HTR1F: variants seen among roughly 807,000 people sequenced by gnomAD.
The protein encoded by HTR1F is 5-hydroxytryptamine (serotonin) receptor 1F, G protein-coupled.
HTR1F carries 17 observed loss-of-function variants against 24.0 expected under a neutral mutation model. That is an observed-to-expected ratio of 0.71 (90% confidence interval 0.48 to 1.06). The LOEUF (loss-of-function observed/expected upper bound fraction) is 1.06. Ranked by LOEUF, HTR1F falls within the 50% of genes least tolerant of loss-of-function variation. The pLI, the probability that HTR1F is intolerant of heterozygous loss-of-function variation, is 0.00. For missense variants in HTR1F, 391 were observed against 427.8 expected, an observed-to-expected ratio of 0.91 and a Z score of 0.76; for synonymous variants, 186 against 156.8, an observed-to-expected ratio of 1.19 and a Z score of -1.39.
intron 2 of HTR1F, among the ~76,000 whole-genome samples, chr3:87,915,416 A>G (rs1703871819): frequency 6.6e-6 from 1 of 152,190 alleles, no homozygotes; most frequent in Non-Finnish European, 1.5e-5. Flanking sequence ...GGGAAGCACC[A>G]GAGAAAGGCG....
intron 2 of HTR1F, among the ~76,000 whole-genome samples, chr3:87,859,892 A>G (rs1407980715): frequency 2.6e-5 from 4 of 152,254 alleles, no homozygotes; most frequent in Non-Finnish European, 5.9e-5. Context: ...CTGCATTTTC[A>G]TCCAGAGATC....
At chr3:87,820,408 C>A in intron 1 of HTR1F, among the ~76,000 whole-genome samples, 1 of 151,796 alleles carries the variant, frequency 6.6e-6, no homozygotes, top group African/African-American at 2.4e-5. Flanking sequence ...GATCTCCTGA[C>A]CTCGTGATCC....
intron 2 of HTR1F, among the ~76,000 whole-genome samples, chr3:87,843,969 A>G (rs1207480604): frequency 2.0e-5 from 3 of 151,246 alleles, no homozygotes; most frequent in Non-Finnish European, 4.4e-5. Flanking sequence ...GCTATTGTGA[A>G]TAATGCTGCA....
In HTR1F at chr3:87,878,502, A is replaced by G. The variant is rs1406313109; in HGVS notation, c.-43+56378A>G. Among the ~76,000 whole-genome samples, 4 of 152,214 alleles carry G rather than the reference A, an allele frequency of 2.6e-5. 1 individual carries two copies. Among genetic ancestry groups the G allele is most frequent in the East Asian group, 3.8e-4 (2 of 5,204 alleles). ...ATGAATCAGACTCTTACTTTTGCTC[A>G]TAGTTTTGTTTCACCTAAAATTGTA... On this transcript the variant is annotated intron_variant, in intron 2 of 2. Transcript: ENST00000319595.
chr3:87,924,919 A>G (rs1363633106), intron 2 of HTR1F, among the ~76,000 whole-genome samples: 1 of 152,072 alleles, frequency 6.6e-6, no homozygotes, highest in African/African-American at 2.4e-5. Context: ...CTCTCTCAAG[A>G]CTTAGGAAAT....
intron 2 of HTR1F, among the ~76,000 whole-genome samples, chr3:87,915,323 C>T (rs1442417180): frequency 6.6e-6 from 1 of 152,134 alleles, no homozygotes; most frequent in Non-Finnish European, 1.5e-5. Flanking sequence ...ATCACACTAG[C>T]TCACCAGCAG....
At chr3:87,944,102 T>G (rs1033559795) in intron 2 of HTR1F, among the ~76,000 whole-genome samples, 3 of 152,062 alleles carry the variant, frequency 2.0e-5, no homozygotes, top group Non-Finnish European at 4.4e-5. Context: ...CCTGCACCTG[T>G]TTTTCCACCT....
intron 2 of HTR1F, among the ~76,000 whole-genome samples, chr3:87,974,934 C>A (rs1705362565): frequency 6.6e-6 from 1 of 152,130 alleles, no homozygotes; most frequent in East Asian, 1.9e-4. Context: ...GATGACAGTT[C>A]AGATTTGTTC....
chr3:87,955,399 T>C (rs1352520791), intron 2 of HTR1F, among the ~76,000 whole-genome samples: 1 of 151,628 alleles, frequency 6.6e-6, no homozygotes, highest in Non-Finnish European at 1.5e-5. Context: ...TACTAACTGA[T>C]AAGTAGCATT....
intron 1 of HTR1F, among the ~76,000 whole-genome samples, chr3:87,794,566 T>C (rs1703872199): frequency 6.6e-6 from 1 of 152,254 alleles, no homozygotes; most frequent in Admixed American, 6.5e-5. Flanking sequence ...TCAGTATATT[T>C]TTCCACACGT....
chr3:87,985,778 A>T (rs1349951872), intron 2 of HTR1F, among the ~76,000 whole-genome samples: 3 of 152,264 alleles, frequency 2.0e-5, no homozygotes, highest in Non-Finnish European at 4.4e-5. Flanking sequence ...ATATAAAATG[A>T]ATTAAACTAT....
intron 1 of HTR1F, among the ~76,000 whole-genome samples, chr3:87,817,367 A>G (rs1325170703): frequency 6.6e-6 from 1 of 152,200 alleles, no homozygotes; most frequent in Non-Finnish European, 1.5e-5. Context: ...TTATACAAAA[A>G]CAGTCAATAC....
intron 2 of HTR1F, among the ~76,000 whole-genome samples, chr3:87,909,436 T>C (rs1033689240): frequency 3.3e-5 from 5 of 152,024 alleles, no homozygotes; most frequent in Admixed American, 2.0e-4. Context: ...GTGCTCACGA[T>C]ATGCTTCCTC....
intron 2 of HTR1F, among the ~76,000 whole-genome samples, chr3:87,877,486 T>C: frequency 6.6e-6 from 1 of 152,282 alleles, no homozygotes; most frequent in Middle Eastern, 3.4e-3. Flanking sequence ...TAAGAAATTA[T>C]CAATTTTTAT....
chr3:87,914,623 C>A (rs890480959), intron 2 of HTR1F, among the ~76,000 whole-genome samples: 49 of 151,974 alleles, frequency 3.2e-4, no homozygotes, highest in Admixed American at 1.3e-4. Context: ...CAGCCATAAT[C>A]CTCCTAGGTA....
chr3:87,925,487 T>A (rs1704104582), intron 2 of HTR1F, among the ~76,000 whole-genome samples: 1 of 152,126 alleles, frequency 6.6e-6, no homozygotes, highest in Non-Finnish European at 1.5e-5. Flanking sequence ...CTGATCTAGC[T>A]GGGGTCATGG....
rs1705853942 is a variant in HTR1F at position 87,992,207 on chromosome 3, T to A, written c.*357T>A. 5.9e-6 allele frequency: 1 copy of A among 168,962 alleles called. No individual in the cohort carries two copies. Among genetic ancestry groups the A allele is most frequent in the Non-Finnish European group, 1.4e-5 (1 of 69,556 alleles). 10.5% of individuals were successfully genotyped at this position (168,962 alleles called of 1,614,324 possible). A position where few individuals can be genotyped will look rare whatever the true frequency, so the allele number is the denominator to read the frequency against. ...AGGAGTTTTCAATTAACAACATACC[T>A]CCCTCCATAATTTCTATCTAGTCCT... is the stretch of plus-strand genomic sequence containing the variant. On this transcript the variant is annotated 3_prime_UTR_variant, in exon 3 of 3. Transcript: ENST00000319595.
At chr3:87,942,458 G>A (rs1006395474) in intron 2 of HTR1F, among the ~76,000 whole-genome samples, 17 of 152,108 alleles carry the variant, frequency 1.1e-4, no homozygotes, top group South Asian at 4.2e-4. Context: ...ATCGGCTGGC[G>A]CTTGCCCCGG....
chr3:87,968,028 T>G (rs188728446), intron 2 of HTR1F, among the ~76,000 whole-genome samples: 8 of 152,130 alleles, frequency 5.3e-5, no homozygotes, highest in Non-Finnish European at 1.0e-4. Flanking sequence ...AAAATGCTGA[T>G]AGTAATTTAG....
Sources: allele counts gnomAD v4.1 joint callset (sites outside exome capture counted in the v4.1 genomes callset), GRCh38; gene constraint gnomAD v4.1.1; transcripts MANE v1.5; gene names NCBI Gene and HGNC (gene_info 2026-07-23, HGNC 2026-07-21).